The following DPP10 variants were observed in gnomAD, a reference collection of about 807,000 sequenced individuals.
DPP10 encodes inactive dipeptidyl peptidase 10.
A neutral mutation model predicts 120.9 loss-of-function variants in DPP10; 33 were observed. That is an observed-to-expected ratio of 0.27 (90% CI 0.21 to 0.37). The LOEUF (loss-of-function observed/expected upper bound fraction) is 0.37. Ranked by LOEUF, DPP10 falls within the 10% of genes least tolerant of loss-of-function variation. DPP10 has a pLI of 1.00. For synonymous variants in DPP10, 337 were observed against 326.1 expected, an observed-to-expected ratio of 1.03 and a Z score of -0.36; for missense variants, 816 against 942.8, an observed-to-expected ratio of 0.87 and a Z score of 1.76.
At chr2:115,322,481 C>T (rs1336187137) in intron 2 of DPP10, among the ~76,000 whole-genome samples, 1 of 152,146 alleles carries the variant, frequency 6.6e-6, no homozygotes, top group African/African-American at 2.4e-5. Context: ...CTGTGTTTCA[C>T]ACTTAAACAC....
chr2:114,962,591 A>C (rs1379151776), intron 1 of DPP10, among the ~76,000 whole-genome samples: 1 of 152,234 alleles, frequency 6.6e-6, no homozygotes, highest in Non-Finnish European at 1.5e-5. Flanking sequence ...GCCACACATC[A>C]TCTTTGATAA....
chr2:114,817,376 C>T (rs1450788674), intron 1 of DPP10, among the ~76,000 whole-genome samples: 2 of 151,428 alleles, frequency 1.3e-5, no homozygotes, highest in Non-Finnish European at 2.9e-5. Flanking sequence ...CTCTTATGTA[C>T]AGAGGTGAGG....
chr2:115,231,000 C>A (rs1241715218), intron 1 of DPP10, among the ~76,000 whole-genome samples: 1 of 151,800 alleles, frequency 6.6e-6, no homozygotes, highest in Admixed American at 6.6e-5. Context: ...GATAAGAAAA[C>A]ACACTTCAGT....
chr2:115,550,215 C>T (rs1297090320), intron 5 of DPP10, among the ~76,000 whole-genome samples: 1 of 152,090 alleles, frequency 6.6e-6, no homozygotes, highest in African/African-American at 2.4e-5. Context: ...CTTTAATATG[C>T]ATGTGAAGTA....
intron 8 of DPP10, among the ~76,000 whole-genome samples, chr2:115,735,038 T>C (rs2093003142): frequency 1.3e-5 from 2 of 152,214 alleles, no homozygotes; most frequent in African/African-American, 4.8e-5. Context: ...AGCAGTGGCT[T>C]TTGGTTGGGC....
intron 1 of DPP10, among the ~76,000 whole-genome samples, chr2:114,637,826 T>G (rs1279442295): frequency 6.6e-6 from 1 of 151,856 alleles, no homozygotes; most frequent in Non-Finnish European, 1.5e-5. Flanking sequence ...GGTTTTCCGT[T>G]CTGTTCCATT....
intron 1 of DPP10, chr2:114,707,172 T>G (rs999990723): frequency 6.6e-6 from 1 of 152,184 alleles, no homozygotes; most frequent in Non-Finnish European, 1.5e-5. Context: ...TTTTCTAGTT[T>G]ATGTAAGTTG....
chr2:115,178,711 TA>T (rs2105123082), intron 1 of DPP10, among the ~76,000 whole-genome samples: 1 of 152,356 alleles, frequency 6.6e-6, no homozygotes, highest in South Asian at 2.1e-4. Flanking sequence ...AAGTATTTGA[TA>T]TGTTGGCATC....
At chr2:115,842,065 G>A (rs1690204700) in intron 25 of DPP10, 146 bp from the exon 26 acceptor site, 1 of 682,370 alleles carries the variant, frequency 1.5e-6, no homozygotes. Flanking sequence ...TAAAAGTTTA[G>A]CATGAATAAC....
At chr2:115,104,170 CTTT>C (rs35125894) in intron 1 of DPP10, among the ~76,000 whole-genome samples, 50 of 84,644 alleles carry the variant, frequency 5.9e-4, no homozygotes, top group Admixed American at 1.8e-3. Context: ...ATACATATGT[CTTT>C]TTTTTTTTTT....
chr2:115,108,925 G>C (rs2049078053), intron 1 of DPP10, among the ~76,000 whole-genome samples: 1 of 151,992 alleles, frequency 6.6e-6, no homozygotes, highest in Non-Finnish European at 1.5e-5. Context: ...TGCCCCTGCT[G>C]TATCAGATGT....
At chr2:114,777,115 G>A (rs1038720168) in intron 1 of DPP10, among the ~76,000 whole-genome samples, 1 of 152,036 alleles carries the variant, frequency 6.6e-6, no homozygotes, top group African/African-American at 2.4e-5. Context: ...CTTTTATTCA[G>A]AAGTAAATGA....
intron 4 of DPP10, among the ~76,000 whole-genome samples, chr2:115,517,184 T>C (rs968024341): frequency 6.6e-6 from 1 of 152,170 alleles, no homozygotes; most frequent in Non-Finnish European, 1.5e-5. Context: ...TCAGTCATAG[T>C]TGCAAACAAC....
At chr2:114,954,890 A>G (rs1193863021) in intron 1 of DPP10, among the ~76,000 whole-genome samples, 2 of 152,224 alleles carry the variant, frequency 1.3e-5, no homozygotes, top group Non-Finnish European at 2.9e-5. Flanking sequence ...CTGGAAATGT[A>G]TAAACTACAA....
chr2:115,454,448 G>A (rs116297313), intron 3 of DPP10, among the ~76,000 whole-genome samples: 259 of 151,382 alleles, frequency 1.7e-3, no homozygotes, highest in African/African-American at 6.0e-3. Flanking sequence ...GTCAAATAAG[G>A]TAATACATTA....
At chr2:115,796,454 A>G (rs17045007) in intron 19 of DPP10, among the ~76,000 whole-genome samples, 2,780 of 152,280 alleles carry the variant, frequency 0.018, 88 homozygotes, top group African/African-American at 0.061. Context: ...GAATAAGTAA[A>G]CAAATCAATT....
At chr2:115,067,142 AG>A (rs1706917708) in intron 1 of DPP10, among the ~76,000 whole-genome samples, 1 of 150,194 alleles carries the variant, frequency 6.7e-6, no homozygotes, top group Non-Finnish European at 1.5e-5. Flanking sequence ...TGTATATGTG[AG>A]AGTATGCTGT....
At chr2:114,988,364 T>G (rs954536803) in intron 1 of DPP10, among the ~76,000 whole-genome samples, 3 of 152,202 alleles carry the variant, frequency 2.0e-5, no homozygotes, top group African/African-American at 7.2e-5. Context: ...TCTCTGTCAC[T>G]TTACTAAAAG....
At chr2:115,272,187 C>G (rs150136076) in intron 1 of DPP10, among the ~76,000 whole-genome samples, 55 of 152,084 alleles carry the variant, frequency 3.6e-4, no homozygotes, top group Admixed American at 2.0e-4. Flanking sequence ...TGAGTGTTTT[C>G]TTTGAAACTG....
Sources: allele counts gnomAD v4.1 joint callset (sites outside exome capture counted in the v4.1 genomes callset), GRCh38; gene constraint gnomAD v4.1.1; transcripts MANE v1.5; gene names NCBI Gene and HGNC (gene_info 2026-07-23, HGNC 2026-07-21).